Variants in ANGPT2 observed in about 807,000 individuals in gnomAD.
The protein encoded by ANGPT2 is angiopoietin-2.
ANGPT2 carries 28 observed loss-of-function variants against 62.9 expected under a neutral mutation model. That is an observed-to-expected ratio of 0.44 (90% CI 0.33 to 0.61). The LOEUF is 0.61. ANGPT2 is among the 20% of genes least tolerant of loss of function. ANGPT2 has a pLI of 0.03. For missense variants in ANGPT2, 727 were observed against 594.9 expected, an observed-to-expected ratio of 1.22 and a Z score of -2.31; for synonymous variants, 284 against 207.8, an observed-to-expected ratio of 1.37 and a Z score of -3.15.
chr8:6,523,981 G>A (rs1415704368), intron 3 of ANGPT2, among the ~76,000 whole-genome samples: 1 of 151,374 alleles, frequency 6.6e-6, no homozygotes, highest in Non-Finnish European at 1.5e-5. Context: ...TGTGATAATT[G>A]CAGGAAAAGC....
intron 2 of ANGPT2, among the ~76,000 whole-genome samples, chr8:6,530,723 G>A (rs1035702475): frequency 1.1e-4 from 17 of 152,056 alleles, no homozygotes; most frequent in Non-Finnish European, 5.9e-5. Flanking sequence ...GAAAGACCTG[G>A]TAGTCAAGTA....
intron 8 of ANGPT2, among the ~76,000 whole-genome samples, chr8:6,504,349 C>G (rs976199718): frequency 6.9e-6 from 1 of 145,488 alleles, no homozygotes; most frequent in Non-Finnish European, 1.5e-5. Context: ...AATGTATAAA[C>G]CTTAAATTGC....
chr8:6,541,325 T>C (rs893837944), intron 1 of ANGPT2, among the ~76,000 whole-genome samples: 1 of 152,036 alleles, frequency 6.6e-6, no homozygotes, highest in Non-Finnish European at 1.5e-5. Context: ...CTGTGGGCAG[T>C]GGCTAAAGAC....
At chr8:6,523,664 G>A (rs1025861539) in intron 3 of ANGPT2, among the ~76,000 whole-genome samples, 6 of 152,166 alleles carry the variant, frequency 3.9e-5, no homozygotes, top group African/African-American at 7.2e-5. Context: ...ATCTCAGCTC[G>A]CTGCAACCTC....
At chr8:6,506,699 T>C (rs560127945) in intron 8 of ANGPT2, among the ~76,000 whole-genome samples, 38 of 151,754 alleles carry the variant, frequency 2.5e-4, no homozygotes, top group African/African-American at 8.9e-4. Flanking sequence ...GCTTTGCTCA[T>C]TGGTGTAATA....
At chr8:6,554,705 G>C (rs1824283136) in intron 1 of ANGPT2, among the ~76,000 whole-genome samples, 1 of 152,204 alleles carries the variant, frequency 6.6e-6, no homozygotes, top group Admixed American at 6.5e-5. Flanking sequence ...CTCAGAGGGA[G>C]AACCAGTCTG....
chr8:6,510,939 C>A (rs1055941375), intron 7 of ANGPT2, among the ~76,000 whole-genome samples: 1 of 152,174 alleles, frequency 6.6e-6, no homozygotes, highest in Non-Finnish European at 1.5e-5. Context: ...ATGCCTGCTG[C>A]AAAATGCTAA....
At chr8:6,512,883 C>T (rs1014101109) in intron 7 of ANGPT2, among the ~76,000 whole-genome samples, 3 of 152,218 alleles carry the variant, frequency 2.0e-5, no homozygotes, top group Non-Finnish European at 4.4e-5. Flanking sequence ...AGTTGACTAA[C>T]CATCCCACCT....
chr8:6,540,063 C>T (rs1180549732), intron 1 of ANGPT2, among the ~76,000 whole-genome samples: 1 of 152,196 alleles, frequency 6.6e-6, no homozygotes, highest in Non-Finnish European at 1.5e-5. Flanking sequence ...TAGTCCATGC[C>T]TCTCCTCCTG....
chr8:6,545,417 C>T (rs1447259125), intron 1 of ANGPT2, among the ~76,000 whole-genome samples: 1 of 152,124 alleles, frequency 6.6e-6, no homozygotes, highest in Admixed American at 6.6e-5. Context: ...TTTGTTGTGA[C>T]ACTATGACCC....
At chr8:6,519,608 G>T (rs1816923460) in intron 5 of ANGPT2, among the ~76,000 whole-genome samples, 1 of 152,162 alleles carries the variant, frequency 6.6e-6, no homozygotes, top group African/African-American at 2.4e-5. Flanking sequence ...AAAATGCAAG[G>T]AGAATGTATT....
intron 3 of ANGPT2, among the ~76,000 whole-genome samples, chr8:6,524,983 T>C (rs1818058665): frequency 6.6e-6 from 1 of 152,252 alleles, no homozygotes. Context: ...CATGTCTGTC[T>C]AGGTGAATAT....
At chr8:6,506,977 A>G in intron 8 of ANGPT2, among the ~76,000 whole-genome samples, 1 of 151,626 alleles carries the variant, frequency 6.6e-6, no homozygotes, top group East Asian at 1.9e-4. Context: ...GGCTCATTGC[A>G]AACTCTGTCT....
chr8:6,509,450 A>G (rs999108192), intron 7 of ANGPT2, among the ~76,000 whole-genome samples: 2 of 152,188 alleles, frequency 1.3e-5, no homozygotes, highest in Non-Finnish European at 2.9e-5. Flanking sequence ...ACAACCTCAA[A>G]CATTATTTTC....
At chr8:6,561,817 C>T (rs570462730) in intron 1 of ANGPT2, among the ~76,000 whole-genome samples, 11 of 151,870 alleles carry the variant, frequency 7.2e-5, no homozygotes, top group African/African-American at 2.4e-4. Context: ...ACAGAGCTTT[C>T]AATATCCTAT....
rs79679777 is a variant in ANGPT2 at position 6,553,341 on chromosome 8, G to A, written c.288+9306C>T. 9.8e-5 allele frequency among the ~76,000 whole-genome samples: 15 copies of A among 152,288 alleles called. No homozygotes were observed. The East Asian group carries it at 2.9e-3, about 29-fold the overall frequency. The stretch of plus-strand genomic sequence containing the variant: ...AAAGCAACAACAACAAAATGTTATT[G>A]TGTACTTTCAGATTGCACCAGTAAA... On this transcript the variant is annotated intron_variant, in intron 1 of 8. Transcript: ENST00000629816.
intron 3 of ANGPT2, among the ~76,000 whole-genome samples, chr8:6,523,558 G>T (rs1444423800): frequency 6.6e-6 from 1 of 152,092 alleles, no homozygotes; most frequent in Non-Finnish European, 1.5e-5. Context: ...TCAAAGACAT[G>T]CACAGTCAAG....
Position 6,521,061 on chromosome 8 carries a change from C to T in ANGPT2, c.799+117G>A, listed in dbSNP as rs1002706036. 11 of 694,718 alleles carry T rather than the reference C, an allele frequency of 1.6e-5. No homozygotes were observed. In the African/African-American group the frequency reaches 2.0e-4, roughly 13 times the overall value. The allele number at this position is 694,718 out of a possible 1,614,324, so 43.0% of individuals were successfully genotyped here. ...CCTTCATTTTAATTGGTAGATATTT[C>T]ATATGAAATATATGAGAAATAGCGC... On this transcript the variant is annotated intron_variant, in intron 4 of 8. Coordinates refer to ENST00000629816, the MANE Select transcript of ANGPT2 (RefSeq NM_001118887.2).
chr8:6,556,042 T>C (rs1471246084), intron 1 of ANGPT2, among the ~76,000 whole-genome samples: 1 of 152,178 alleles, frequency 6.6e-6, no homozygotes, highest in Non-Finnish European at 1.5e-5. Context: ...GATGCTGGCC[T>C]AGGAGTGCCC....
Sources: allele counts gnomAD v4.1 joint callset (sites outside exome capture counted in the v4.1 genomes callset), GRCh38; gene constraint gnomAD v4.1.1; transcripts MANE v1.5; gene names NCBI Gene and HGNC (gene_info 2026-07-23, HGNC 2026-07-21).